Variants in UVRAG observed in about 807,000 individuals in gnomAD.
The protein encoded by UVRAG is UV radiation resistance-associated gene protein.
Under a neutral mutation model 78.0 loss-of-function variants are expected in UVRAG, and 19 were observed. That is an observed-to-expected ratio of 0.24 (90% CI 0.17 to 0.36). UVRAG has a LOEUF of 0.36. UVRAG is among the 10% of genes least tolerant of loss of function. The pLI is 1.00. For synonymous variants in UVRAG, 323 were observed against 324.6 expected (o/e 1.00, Z 0.05); for missense variants, 740 against 853.8 (o/e 0.87, Z 1.66).
At chr11:75,970,748 A>AG (rs1949107747) in intron 7 of UVRAG, among the ~76,000 whole-genome samples, 1 of 151,878 alleles carries the variant, frequency 6.6e-6, no homozygotes, top group African/African-American at 2.4e-5. Context: ...AAAAAAAAAA[A>AG]AAAATTAGGC....
chr11:75,850,068 TGG>T (rs1468462836), intron 1 of UVRAG, among the ~76,000 whole-genome samples: 2 of 132,074 alleles, frequency 1.5e-5, no homozygotes, highest in African/African-American at 8.7e-5. Flanking sequence ...TCAGTCTGAT[TGG>T]TTGCAGAAAG....
intron 5 of UVRAG, among the ~76,000 whole-genome samples, chr11:75,890,039 T>C (rs1947181289): frequency 6.6e-6 from 1 of 151,912 alleles, no homozygotes; most frequent in South Asian, 2.1e-4. Flanking sequence ...TGGAAGGCCA[T>C]GAAATAGAAG....
intron 13 of UVRAG, among the ~76,000 whole-genome samples, chr11:76,087,593 G>A (rs980309383): frequency 2.0e-5 from 3 of 152,068 alleles, no homozygotes; most frequent in Non-Finnish European, 2.9e-5. Context: ...TGAGAACTTC[G>A]AAGCTCGGAA....
intron 3 of UVRAG, among the ~76,000 whole-genome samples, chr11:75,870,601 G>A (rs2134822713): frequency 6.6e-6 from 1 of 152,184 alleles, no homozygotes; most frequent in East Asian, 1.9e-4. Context: ...TAAACAAAGG[G>A]GAGTAAATGA....
intron 12 of UVRAG, among the ~76,000 whole-genome samples, chr11:76,034,541 A>G (rs2135406431): frequency 6.6e-6 from 1 of 152,292 alleles, no homozygotes; most frequent in Non-Finnish European, 1.5e-5. Context: ...ACTTTTTAAA[A>G]GTCTAGGATA....
chr11:76,032,475 C>T (rs1950453385), intron 12 of UVRAG, among the ~76,000 whole-genome samples: 1 of 152,080 alleles, frequency 6.6e-6, no homozygotes, highest in African/African-American at 2.4e-5. Flanking sequence ...TAAGAGAGTT[C>T]AGTTGTAAGA....
intron 13 of UVRAG, among the ~76,000 whole-genome samples, chr11:76,081,701 T>C (rs1951497423): frequency 6.6e-6 from 1 of 152,108 alleles, no homozygotes; most frequent in African/African-American, 2.4e-5. Context: ...GGAGGGTAGA[T>C]TGATCATTTA....
At chr11:75,921,510 C>T (rs546894008) in intron 6 of UVRAG, among the ~76,000 whole-genome samples, 10 of 152,000 alleles carry the variant, frequency 6.6e-5, no homozygotes, top group Admixed American at 2.0e-4. Flanking sequence ...CTTATGATAC[C>T]TTATACAAAA....
At chr11:75,980,141 TTC>T (rs1198602383) in intron 7 of UVRAG, 99 of 154,334 alleles carry the variant, frequency 6.4e-4, no homozygotes, top group Non-Finnish European at 1.1e-3. Context: ...TTAATTTAAT[TTC>T]TCTCTCTCTC....
At chr11:76,021,837 T>C (rs1950250845) in intron 12 of UVRAG, among the ~76,000 whole-genome samples, 1 of 152,224 alleles carries the variant, frequency 6.6e-6, no homozygotes. Flanking sequence ...GCAGATACTT[T>C]GAGGCCAGGA....
chr11:75,912,426 G>A (rs1017937692), intron 6 of UVRAG, among the ~76,000 whole-genome samples: 1 of 152,174 alleles, frequency 6.6e-6, no homozygotes, highest in Non-Finnish European at 1.5e-5. Flanking sequence ...TTTGAGTTTG[G>A]ACCTGTTCTT....
At chr11:76,045,717 C>A (rs1950739709) in intron 12 of UVRAG, among the ~76,000 whole-genome samples, 2 of 137,050 alleles carry the variant, frequency 1.5e-5, no homozygotes, top group African/African-American at 2.6e-5. Context: ...AAAAAAAAAG[C>A]CGGAGATCAA....
At chr11:75,880,403 CGTTAAATACCTCTCTTTT>C (rs1422702524) in intron 4 of UVRAG, among the ~76,000 whole-genome samples, 4 of 152,280 alleles carry the variant, frequency 2.6e-5, no homozygotes, top group East Asian at 3.9e-4. Context: ...AGGAATATCA[CGTTAAATACCTCTCTTTT>C]GACCAGTAGC....
intron 4 of UVRAG, among the ~76,000 whole-genome samples, chr11:75,887,474 G>A (rs1389316940): frequency 1.4e-5 from 2 of 140,010 alleles, no homozygotes. Flanking sequence ...TTGAGACGGA[G>A]TCTCGCTCTG....
chr11:75,922,946 A>C (rs936333425), intron 6 of UVRAG, among the ~76,000 whole-genome samples: 1 of 148,668 alleles, frequency 6.7e-6, no homozygotes, highest in Non-Finnish European at 1.5e-5. Flanking sequence ...AGGAAAAAAA[A>C]AAAAAGAAAA....
intron 13 of UVRAG, among the ~76,000 whole-genome samples, chr11:76,110,550 A>T (rs1952051360): frequency 6.6e-6 from 1 of 152,106 alleles, no homozygotes; most frequent in Admixed American, 6.5e-5. Context: ...TCAAGTACCT[A>T]TCCAGTTGGT....
chr11:75,866,110 T>C (rs963273677), intron 3 of UVRAG, among the ~76,000 whole-genome samples: 1 of 151,318 alleles, frequency 6.6e-6, no homozygotes, highest in African/African-American at 2.4e-5. Flanking sequence ...ATGCAAAAAT[T>C]ACCCGGGAAG....
In UVRAG at chr11:76,007,627, T is replaced by A. The variant is rs1949972320; in HGVS notation, c.999+6T>A. ...ACATTTACCCTATTGATTTGGTAAG[T>A]TTCAAATTTTCTGAAAATATTTTTC... On this transcript the variant is annotated splice_donor_region_variant and intron_variant, in intron 10 of 14. Transcript: ENST00000356136. 5.6e-6 allele frequency: 9 copies of A among 1,605,718 alleles called. No individual in the cohort carries two copies. Among genetic ancestry groups the A allele is most frequent in the Middle Eastern group, 1.7e-4 (1 of 5,950 alleles).
In UVRAG at chr11:75,839,825, G is replaced by GTGTA. The variant is rs1555071858; in HGVS notation, c.118-12057_118-12056insGTAT. Among the ~76,000 whole-genome samples, 41 of 149,102 alleles carry GTGTA rather than the reference G, an allele frequency of 2.7e-4. 1 individual carries two copies. The East Asian group carries it at 5.1e-3, about 19-fold the overall frequency. ...TGTGTGTGTGTTTTTGTGTGTGTGT[G>GTGTA]TATATATATATATACACACCCCCAC... On this transcript the variant is annotated intron_variant, in intron 1 of 14. Coordinates refer to ENST00000356136, the MANE Select transcript of UVRAG (RefSeq NM_003369.4).
Sources: allele counts gnomAD v4.1 joint callset (sites outside exome capture counted in the v4.1 genomes callset), GRCh38; gene constraint gnomAD v4.1.1; transcripts MANE v1.5; gene names NCBI Gene and HGNC (gene_info 2026-07-23, HGNC 2026-07-21).